LAMA2: variants seen among roughly 807,000 people sequenced by gnomAD.
The protein encoded by LAMA2 is laminin subunit alpha 2, also known as laminin subunit alpha-2.
A neutral mutation model predicts 364.8 loss-of-function variants in LAMA2; 269 were observed. The observed-to-expected ratio is 0.74, with a 90% confidence interval of 0.67 to 0.82. The LOEUF is 0.82. Ranked by LOEUF, LAMA2 falls within the 40% of genes least tolerant of loss-of-function variation. The probability of loss-of-function intolerance (pLI) is 0.00; values close to 1 mark genes in which losing one functional copy is unlikely to be tolerated. For synonymous variants in LAMA2, 1,379 were observed against 1,370.6 expected (o/e 1.01, Z -0.14); for missense variants, 3,807 against 3,873.2 (o/e 0.98, Z 0.45).
chr6:129,422,764 A>G (rs1781139322), intron 40 of LAMA2, among the ~76,000 whole-genome samples: 1 of 152,136 alleles, frequency 6.6e-6, no homozygotes, highest in South Asian at 2.1e-4. Context: ...TCCACCAAAT[A>G]TTTAATGAAG....
intron 53 of LAMA2, 120 bp from the exon 54 acceptor site, chr6:129,478,573 C>T (rs879045746): frequency 9.7e-7 from 1 of 1,031,598 alleles, no homozygotes; most frequent in South Asian, 1.3e-5. Context: ...CACGTGTGCA[C>T]AGTTTGATAG....
intron 34 of LAMA2, among the ~76,000 whole-genome samples, chr6:129,379,316 T>C (rs1165732270): frequency 6.0e-5 from 9 of 150,744 alleles, no homozygotes; most frequent in Non-Finnish European, 1.0e-4. Context: ...AACCCCATTA[T>C]GCATGGGTTT....
At chr6:129,042,330 A>C (rs960851233) in intron 1 of LAMA2, among the ~76,000 whole-genome samples, 8 of 152,060 alleles carry the variant, frequency 5.3e-5, no homozygotes, top group African/African-American at 1.7e-4. Flanking sequence ...AATAATGATA[A>C]ATTAATTTAA....
chr6:129,141,898 G>T (rs139505469), intron 4 of LAMA2, among the ~76,000 whole-genome samples: 64 of 152,054 alleles, frequency 4.2e-4, no homozygotes, highest in Middle Eastern at 3.4e-3. Flanking sequence ...GTGTGTATGT[G>T]TATTTTCAGT....
In LAMA2 at chr6:129,173,081, C is replaced by T. The variant is rs547466259; in HGVS notation, c.1307-4625C>T. On this transcript the variant is annotated intron_variant, in intron 9 of 64. Transcript: ENST00000421865. Reference sequence around the variant, plus strand: ...ACCTGCGCCCACTGTCTGGCATTCCCTAGTGAGATGAACCCGGTACCTCAG... The same window carrying T: ...ACCTGCGCCCACTGTCTGGCATTCCTTAGTGAGATGAACCCGGTACCTCAG... Among the ~76,000 whole-genome samples, 5 of 152,208 alleles carry T rather than the reference C, an allele frequency of 3.3e-5. No individual in the cohort carries two copies. In the South Asian group the frequency reaches 8.3e-4, roughly 25 times the overall value.
At chr6:129,509,640 C>CA (rs1786409847) in intron 62 of LAMA2, among the ~76,000 whole-genome samples, 2 of 151,994 alleles carry the variant, frequency 1.3e-5, no homozygotes, top group African/African-American at 4.8e-5. Context: ...TTCTTAGAAC[C>CA]TTTATGGAAA....
In LAMA2 at chr6:129,403,972, T is replaced by C. The variant is rs369584929; in HGVS notation, c.5865+13T>C. ...AGCTACAAAACTGGTAAGAAACAAA[T>C]GGCACATGTGCTGGGAATGGAAGTC... On this transcript the variant is annotated intron_variant, in intron 40 of 64. Coordinates refer to ENST00000421865, the MANE Select transcript of LAMA2 (RefSeq NM_000426.4). The C allele has an allele frequency of 1.4e-5, 23 of 1,613,574 alleles. No homozygotes were observed. Among genetic ancestry groups the C allele is most frequent in the Non-Finnish European group, 1.9e-5 (22 of 1,179,764 alleles).
chr6:129,150,163 A>G (rs1354640936), intron 7 of LAMA2, among the ~76,000 whole-genome samples: 5 of 152,194 alleles, frequency 3.3e-5, no homozygotes, highest in Non-Finnish European at 5.9e-5. Flanking sequence ...ATCTGGAGGC[A>G]TGAGCCACCA....
At chr6:129,485,063 T>C (rs1040229976) in intron 55 of LAMA2, among the ~76,000 whole-genome samples, 2 of 152,222 alleles carry the variant, frequency 1.3e-5, no homozygotes, top group African/African-American at 4.8e-5. Context: ...AAATATAAAA[T>C]ACAAATGCCC....
At chr6:129,322,476 G>T (rs768789247) in intron 28 of LAMA2, among the ~76,000 whole-genome samples, 1 of 152,128 alleles carries the variant, frequency 6.6e-6, no homozygotes, top group Non-Finnish European at 1.5e-5. Flanking sequence ...TTTATCCCAG[G>T]TAGCGTTTGG....
intron 22 of LAMA2, among the ~76,000 whole-genome samples, chr6:129,310,199 G>A (rs899456876): frequency 6.6e-5 from 10 of 152,146 alleles, no homozygotes; most frequent in African/African-American, 2.4e-4. Context: ...GCGCCCGGCC[G>A]ATAATCATTT....
intron 8 of LAMA2, among the ~76,000 whole-genome samples, chr6:129,164,290 C>T (rs970821202): frequency 3.3e-5 from 5 of 152,124 alleles, no homozygotes; most frequent in African/African-American, 7.2e-5. Flanking sequence ...CAAGATGGCC[C>T]GAGATTTCAC....
intron 56 of LAMA2, among the ~76,000 whole-genome samples, chr6:129,487,093 T>C (rs1784627274): frequency 6.6e-6 from 1 of 152,156 alleles, no homozygotes; most frequent in Non-Finnish European, 1.5e-5. Context: ...ATTGAGCCTA[T>C]TAAGTGCATA....
chr6:129,344,472 G>A (rs547848042), intron 30 of LAMA2, among the ~76,000 whole-genome samples: 18 of 152,148 alleles, frequency 1.2e-4, no homozygotes, highest in East Asian at 3.9e-4. Flanking sequence ...AGAGAAGAAA[G>A]ATAATTTATG....
intron 48 of LAMA2, among the ~76,000 whole-genome samples, chr6:129,458,535 A>G (rs1347444555): frequency 6.6e-6 from 1 of 151,996 alleles, no homozygotes; most frequent in Non-Finnish European, 1.5e-5. Flanking sequence ...ATAGCTTTTC[A>G]GGATGCAAGA....
chr6:129,253,111 CTTTG>C (rs1786384447), intron 14 of LAMA2, among the ~76,000 whole-genome samples: 1 of 152,040 alleles, frequency 6.6e-6, no homozygotes, highest in African/African-American at 2.4e-5. Flanking sequence ...TGTAAGGCGG[CTTTG>C]TTTTTTTTAT....
intron 4 of LAMA2, among the ~76,000 whole-genome samples, chr6:129,134,784 C>G (rs1239985560): frequency 6.6e-6 from 1 of 152,170 alleles, no homozygotes; most frequent in African/African-American, 2.4e-5. Context: ...ACAGATAGTA[C>G]TGGTCCATGG....
At position 129,059,877 on chromosome 6, in the gene LAMA2, T is replaced by G. The variant is rs966681460; in HGVS notation, c.377T>G (p.Ile126Ser). The part of the protein sequence containing the change: ...KNGIEYHYVT[I>S]TLDLQQVFQI... Reference sequence around the variant, plus strand: ...GGAATCGAATACCATTATGTGACAATTACCCTGGATTTACAGCAGGTATAG... The same window carrying G: ...GGAATCGAATACCATTATGTGACAAGTACCCTGGATTTACAGCAGGTATAG... The change falls in exon 3 of 65, where the codon ATT becomes AGT. Residue 126 changes from isoleucine (I) to serine (S), a missense_variant. Ile to Ser is a moderately radical substitution (Grantham distance 142). This residue lies in a region of LAMA2 where 394 missense variants were observed against 403.5 expected (regional missense o/e 0.98). Coordinates refer to ENST00000421865, the MANE Select transcript of LAMA2 (RefSeq NM_000426.4). The G allele has an allele frequency of 1.3e-6, 2 of 1,578,456 alleles. No homozygotes were observed. The highest frequency in any genetic ancestry group is 2.2e-5 in the South Asian group (2 of 90,400).
At chr6:129,183,640 C>CAT (rs945007706) in intron 10 of LAMA2, among the ~76,000 whole-genome samples, 23 of 152,032 alleles carry the variant, frequency 1.5e-4, no homozygotes, top group African/African-American at 4.8e-4. Context: ...TGGGATACCT[C>CAT]ATTTCTAGCC....
Sources: allele counts gnomAD v4.1 joint callset (sites outside exome capture counted in the v4.1 genomes callset), GRCh38; gene constraint gnomAD v4.1.1; regional missense constraint gnomAD v4.1.1; transcripts MANE v1.5; gene names NCBI Gene and HGNC (gene_info 2026-07-23, HGNC 2026-07-21).